KCNIP4: variants seen among roughly 807,000 people sequenced by gnomAD.
KCNIP4 encodes the protein potassium voltage-gated channel interacting protein 4, also known as Kv channel-interacting protein 4.
Under a neutral mutation model 34.0 loss-of-function variants are expected in KCNIP4, and 12 were observed. The ratio of observed to expected loss-of-function variants is 0.35; its 90% confidence interval spans 0.23 to 0.57. The LOEUF (loss-of-function observed/expected upper bound fraction) is 0.57, where lower values mean the gene tolerates loss of function less well. Ranked by LOEUF, KCNIP4 falls within the 20% of genes least tolerant of loss-of-function variation. The pLI is 0.83. For synonymous variants in KCNIP4, 124 were observed against 102.2 expected (o/e 1.21, Z -1.29); for missense variants, 238 against 311.7 (o/e 0.76, Z 1.78).
chr4:20,994,612 A>C (rs1178705918), intron 1 of KCNIP4, among the ~76,000 whole-genome samples: 1 of 152,212 alleles, frequency 6.6e-6, no homozygotes. Context: ...ATGAACTAGG[A>C]GTTACAGGGA....
chr4:21,793,784 G>T (rs963754522), intron 1 of KCNIP4, among the ~76,000 whole-genome samples: 1 of 152,064 alleles, frequency 6.6e-6, no homozygotes, highest in Non-Finnish European at 1.5e-5. Flanking sequence ...TACCACAGGG[G>T]TATATACCCA....
chr4:21,520,706 C>T (rs1735447548), intron 1 of KCNIP4, among the ~76,000 whole-genome samples: 1 of 152,044 alleles, frequency 6.6e-6, no homozygotes. Context: ...TTACCTTTAA[C>T]TTGGATAGTT....
At chr4:21,729,419 A>T (rs1437275975) in intron 1 of KCNIP4, among the ~76,000 whole-genome samples, 2 of 152,152 alleles carry the variant, frequency 1.3e-5, no homozygotes, top group Non-Finnish European at 2.9e-5. Context: ...TAGGTAATAT[A>T]ATTTGTTGGA....
At chr4:21,780,156 A>G (rs1479859360) in intron 1 of KCNIP4, among the ~76,000 whole-genome samples, 1 of 151,928 alleles carries the variant, frequency 6.6e-6, no homozygotes, top group Non-Finnish European at 1.5e-5. Context: ...ATGAACAGAG[A>G]ATAACACAGA....
intron 1 of KCNIP4, among the ~76,000 whole-genome samples, chr4:21,144,485 C>G (rs1577778019): frequency 6.6e-6 from 1 of 152,188 alleles, no homozygotes; most frequent in Non-Finnish European, 1.5e-5. Flanking sequence ...TGCTAAACCC[C>G]TGACCCTGGT....
chr4:21,501,995 A>ACG (rs1217540953), intron 1 of KCNIP4, among the ~76,000 whole-genome samples: 1 of 28,806 alleles, frequency 3.5e-5, no homozygotes, highest in Non-Finnish European at 9.0e-5. Flanking sequence ...ATGCACACGC[A>ACG]CACACACACA....
intron 1 of KCNIP4, among the ~76,000 whole-genome samples, chr4:21,370,850 T>TATATACACAC (rs1465544179): frequency 1.3e-4 from 2 of 14,842 alleles, no homozygotes; most frequent in African/African-American, 6.0e-4. Flanking sequence ...TATATATATA[T>TATATACACAC]ACACACACAC....
At chr4:20,820,960 G>A (rs1293327915) in intron 3 of KCNIP4, among the ~76,000 whole-genome samples, 3 of 152,204 alleles carry the variant, frequency 2.0e-5, no homozygotes, top group Non-Finnish European at 4.4e-5. Context: ...AAGCTGTGGA[G>A]GCATAGCTAC....
At chr4:21,731,503 G>A (rs7672938) in intron 1 of KCNIP4, among the ~76,000 whole-genome samples, 18,168 of 152,090 alleles carry the variant, frequency 0.12, 3,703 homozygotes, top group African/African-American at 0.41. Context: ...GAAAGTTCTA[G>A]GAATATATGG....
intron 1 of KCNIP4, among the ~76,000 whole-genome samples, chr4:21,310,422 C>T (rs574493031): frequency 6.6e-6 from 1 of 152,212 alleles, no homozygotes; most frequent in Admixed American, 6.5e-5. Context: ...AGTTTCTTCC[C>T]CTCATTTTTC....
chr4:21,463,140 T>G (rs1387955773), intron 1 of KCNIP4, among the ~76,000 whole-genome samples: 1 of 152,038 alleles, frequency 6.6e-6, no homozygotes, highest in East Asian at 1.9e-4. Flanking sequence ...CCAACAGTAT[T>G]TAAGGGTACC....
chr4:20,990,790 A>G (rs1737017750), intron 1 of KCNIP4, among the ~76,000 whole-genome samples: 1 of 152,134 alleles, frequency 6.6e-6, no homozygotes, highest in African/African-American at 2.4e-5. Context: ...CTCTCCTGTC[A>G]TATCCCTTTT....
chr4:21,128,170 C>T (rs1254327743), intron 1 of KCNIP4, among the ~76,000 whole-genome samples: 1 of 152,118 alleles, frequency 6.6e-6, no homozygotes, highest in African/African-American at 2.4e-5. Context: ...GAAACCAGAA[C>T]AGCTTGAAAA....
intron 1 of KCNIP4, among the ~76,000 whole-genome samples, chr4:21,187,862 G>A (rs1437145429): frequency 1.3e-5 from 2 of 152,126 alleles, no homozygotes; most frequent in African/African-American, 2.4e-5. Flanking sequence ...ATTAGCATAG[G>A]CTCTGTAGCC....
At chr4:20,958,522 A>G (rs1733535208) in intron 1 of KCNIP4, among the ~76,000 whole-genome samples, 1 of 152,206 alleles carries the variant, frequency 6.6e-6, no homozygotes, top group Admixed American at 6.5e-5. Flanking sequence ...ATGAAGAGGA[A>G]TACGTAAAGT....
At chr4:20,811,060 A>G (rs1370025157) in intron 3 of KCNIP4, among the ~76,000 whole-genome samples, 4 of 152,204 alleles carry the variant, frequency 2.6e-5, no homozygotes, top group African/African-American at 9.6e-5. Flanking sequence ...GTAACTCAAC[A>G]TAGTCAAAGT....
intron 1 of KCNIP4, among the ~76,000 whole-genome samples, chr4:21,320,883 A>G: frequency 6.6e-6 from 1 of 150,974 alleles, no homozygotes; most frequent in East Asian, 2.0e-4. Flanking sequence ...AGGCAGGAAA[A>G]TTGCTTAAAC....
At chr4:21,921,743 T>A (rs550257581) in intron 1 of KCNIP4, among the ~76,000 whole-genome samples, 10 of 152,304 alleles carry the variant, frequency 6.6e-5, no homozygotes, top group African/African-American at 2.4e-4. Flanking sequence ...GACATTCCAA[T>A]CTAATGTAGT....
intron 1 of KCNIP4, among the ~76,000 whole-genome samples, chr4:21,650,643 C>T (rs964037097): frequency 6.6e-6 from 1 of 152,162 alleles, no homozygotes; most frequent in African/African-American, 2.4e-5. Context: ...AGGATATTAG[C>T]TGTCTACTGC....
Sources: allele counts gnomAD v4.1 joint callset (sites outside exome capture counted in the v4.1 genomes callset), GRCh38; gene constraint gnomAD v4.1.1; transcripts MANE v1.5; gene names NCBI Gene and HGNC (gene_info 2026-07-23, HGNC 2026-07-21).